The following TCF4 variants were observed in gnomAD, a reference collection of about 807,000 sequenced individuals.
The protein encoded by TCF4 is SL3-3 enhancer factor 2.
TCF4 carries 3 observed loss-of-function variants against 82.1 expected under a neutral mutation model. That is an observed-to-expected ratio of 0.04 (90% CI 0.02 to 0.09). TCF4 has a LOEUF of 0.09. TCF4 is among the 10% of genes least tolerant of loss of function. TCF4 has a pLI of 1.00. For missense variants in TCF4, 518 were observed against 852.7 expected, an observed-to-expected ratio of 0.61 and a Z score of 4.89; for synonymous variants, 276 against 309.6, an observed-to-expected ratio of 0.89 and a Z score of 1.14.
At chr18:55,515,563 T>C (rs1200240812) in intron 3 of TCF4, among the ~76,000 whole-genome samples, 18 of 152,016 alleles carry the variant, frequency 1.2e-4, no homozygotes, top group Admixed American at 1.2e-3. Flanking sequence ...ATGAGCTGAG[T>C]TTTGAAAGAG....
chr18:55,397,613 C>T (rs190552643), intron 6 of TCF4, among the ~76,000 whole-genome samples: 4 of 152,238 alleles, frequency 2.6e-5, no homozygotes, highest in Non-Finnish European at 5.9e-5. Flanking sequence ...TCAAATGACA[C>T]GCGTAAATGG....
intron 3 of TCF4, chr18:55,550,739 G>A (rs925784460): frequency 1.1e-4 from 16 of 152,132 alleles, no homozygotes. Flanking sequence ...AAATCTTTAT[G>A]TAGCCCTTTT....
At chr18:55,588,307 C>G, upstream of TCF4, 1 of 1,456,814 alleles carries the variant, frequency 6.9e-7, no homozygotes, top group Non-Finnish European at 9.0e-7. Context: ...ATTGCAAGTT[C>G]AGCAAAGAAA....
chr18:55,393,793 T>C (rs558865128), intron 6 of TCF4, among the ~76,000 whole-genome samples: 7 of 152,212 alleles, frequency 4.6e-5, no homozygotes, highest in East Asian at 1.9e-4. Flanking sequence ...AAAAATAACA[T>C]ATTTAGTGAT....
chr18:55,486,506 C>T (rs533418092), intron 3 of TCF4, among the ~76,000 whole-genome samples: 8 of 152,256 alleles, frequency 5.3e-5, no homozygotes, highest in Admixed American at 2.0e-4. Context: ...GCAGGAAAAT[C>T]GCTTGAACCC....
At chr18:55,329,714 A>G (rs1480051601) in intron 8 of TCF4, among the ~76,000 whole-genome samples, 1 of 152,210 alleles carries the variant, frequency 6.6e-6, no homozygotes, top group Non-Finnish European at 1.5e-5. Context: ...AATTGATGTA[A>G]AAGTCATCAA....
chr18:55,298,862 G>A (rs761423926), intron 8 of TCF4, among the ~76,000 whole-genome samples: 2 of 152,048 alleles, frequency 1.3e-5, no homozygotes, highest in South Asian at 2.1e-4. Context: ...GAAAGTTGGA[G>A]CAAAGAAAAA....
At chr18:55,313,941 C>G (rs1434306308) in intron 8 of TCF4, among the ~76,000 whole-genome samples, 5 of 151,986 alleles carry the variant, frequency 3.3e-5, no homozygotes, top group Non-Finnish European at 7.4e-5. Flanking sequence ...ACATTTCCCT[C>G]CCCCCCTTAC....
chr18:55,615,823 C>T (rs1279700842), intron 2 of TCF4, among the ~76,000 whole-genome samples: 3 of 152,148 alleles, frequency 2.0e-5, no homozygotes, highest in Middle Eastern at 3.4e-3. Context: ...ATTGTTAAAA[C>T]CAGCCTTGAA....
intron 2 of TCF4, among the ~76,000 whole-genome samples, chr18:55,605,967 T>G (rs2097701833): frequency 1.3e-5 from 2 of 152,226 alleles, no homozygotes; most frequent in Non-Finnish European, 2.9e-5. Flanking sequence ...TGCAAATCCT[T>G]GGGTCCCACC....
At chr18:55,570,172 C>T (rs2097449446) in intron 3 of TCF4, among the ~76,000 whole-genome samples, 2 of 152,116 alleles carry the variant, frequency 1.3e-5, no homozygotes, top group South Asian at 2.1e-4. Flanking sequence ...CTTTTCAGTA[C>T]GTGTGAATGG....
At chr18:55,541,009 A>C (rs2097160784) in intron 3 of TCF4, among the ~76,000 whole-genome samples, 1 of 152,038 alleles carries the variant, frequency 6.6e-6, no homozygotes, top group Non-Finnish European at 1.5e-5. Flanking sequence ...CATGTAAAAA[A>C]ATTATCTCTT....
chr18:55,587,684 A>G (rs2097663946), intron 1 of TCF4, among the ~76,000 whole-genome samples: 2 of 151,756 alleles, frequency 1.3e-5, no homozygotes, highest in Admixed American at 6.6e-5. Flanking sequence ...CTGGAGTGAA[A>G]ACACGTCCAA....
intron 3 of TCF4, among the ~76,000 whole-genome samples, chr18:55,467,806 C>T (rs560632777): frequency 1.8e-4 from 27 of 152,254 alleles, no homozygotes; most frequent in South Asian, 4.2e-4. Flanking sequence ...CTAAACTGTT[C>T]CTCACCTCTC....
intron 3 of TCF4, among the ~76,000 whole-genome samples, chr18:55,527,050 C>T (rs2096992790): frequency 6.6e-6 from 1 of 152,102 alleles, no homozygotes; most frequent in African/African-American, 2.4e-5. Context: ...CAAAATTGTG[C>T]ACCACTTAGA....
Position 55,365,183 on chromosome 18 carries a change from A to G in TCF4, c.370-14180T>C, listed in dbSNP as rs1178434012. Among the ~76,000 whole-genome samples the G allele has an allele frequency of 2.2e-3, 234 of 106,852 alleles. 5 individuals carry two copies. Among genetic ancestry groups the G allele is most frequent in the African/African-American group, 8.1e-3 (216 of 26,682 alleles). 70.1% of individuals were successfully genotyped at this position (106,852 alleles called of 152,430 possible). ...TATATATATATATATATATATATAT[A>G]TATATATATGTGTGTGTGTGTGTGT... On this transcript the variant is annotated intron_variant, in intron 6 of 19. Coordinates refer to ENST00000354452, the MANE Select transcript of TCF4 (RefSeq NM_001083962.2).
intron 11 of TCF4, chr18:55,269,575 GTC>G (rs1268005892): frequency 4.0e-6 from 2 of 496,184 alleles, no homozygotes; most frequent in Non-Finnish European, 3.7e-6. Context: ...GATAGTTTTG[GTC>G]TGTTTGAACC....
At chr18:55,236,298 G>A (rs1442986592) in intron 15 of TCF4, among the ~76,000 whole-genome samples, 1 of 152,094 alleles carries the variant, frequency 6.6e-6, no homozygotes, top group East Asian at 1.9e-4. Context: ...CTTTCTGAAT[G>A]GTGGTTATTT....
chr18:55,413,501 A>T (rs886999244), intron 5 of TCF4, among the ~76,000 whole-genome samples: 1 of 152,088 alleles, frequency 6.6e-6, no homozygotes, highest in African/African-American at 2.4e-5. Flanking sequence ...TAATAACCAA[A>T]CTGCCAGATA....
Sources: allele counts gnomAD v4.1 joint callset (sites outside exome capture counted in the v4.1 genomes callset), GRCh38; gene constraint gnomAD v4.1.1; transcripts MANE v1.5; gene names NCBI Gene and HGNC (gene_info 2026-07-23, HGNC 2026-07-21).